Variants in NEK8 observed in about 807,000 individuals in gnomAD.
The protein encoded by NEK8 is NIMA related kinase 8.
NEK8 carries 51 observed loss-of-function variants against 77.2 expected under a neutral mutation model. The observed-to-expected ratio is 0.66, with a 90% CI of 0.53 to 0.83. The LOEUF is 0.83. Ranked by LOEUF, NEK8 falls within the 40% of genes least tolerant of loss-of-function variation. The pLI, the probability that NEK8 is intolerant of heterozygous loss-of-function variation, is 0.00. For missense variants in NEK8, 787 were observed against 909.2 expected (o/e 0.87, Z 1.73); for synonymous variants, 365 against 363.2 (o/e 1.00, Z -0.06).
Position 28,740,461 on chromosome 17 carries a change from A to C in NEK8, c.1418-2A>C. 1 of 1,614,016 alleles carries C rather than the reference A, an allele frequency of 6.2e-7. No individual in the cohort carries two copies. Among genetic ancestry groups the C allele is most frequent in the Non-Finnish European group, 8.5e-7 (1 of 1,179,962 alleles). ...TAACTCCTTCTGGGTTTCTTCTTGT[A>C]GGCAGACTGGGGCTAGGCACCAGGG... On this transcript the variant is annotated splice_acceptor_variant, in intron 10 of 14. Coordinates refer to ENST00000268766, the MANE Select transcript of NEK8 (RefSeq NM_178170.3). LOFTEE classifies it high-confidence loss of function. The surrounding 1 kb of genome is among the most constrained non-coding windows in gnomAD (Gnocchi z 4.7).
intron 4 of NEK8, 68 bp downstream of exon 4, chr17:28,735,439 A>G: frequency 6.4e-7 from 1 of 1,550,830 alleles, no homozygotes. Flanking sequence ...CCTTGGCTCA[A>G]GCCACCTCAG....
At chr17:28,738,774 G>C (rs1389969283) in intron 9 of NEK8, 27 bp downstream of exon 9, 1 of 1,567,106 alleles carries the variant, frequency 6.4e-7, no homozygotes, top group South Asian at 1.1e-5. Flanking sequence ...CCTTGGGAAG[G>C]GGAAGTCGGG....
Position 28,740,936 on chromosome 17 carries a change from G to A in NEK8, c.1683G>A (p.Glu561=), listed in dbSNP as rs769853650. The change falls in exon 12 of 15, where the codon GAG becomes GAA. Residue 561 remains glutamate (E), a synonymous_variant. Coordinates refer to ENST00000268766, the MANE Select transcript of NEK8 (RefSeq NM_178170.3). This position sits in a 1 kb window ranked among gnomAD's most constrained non-coding sequence, Gnocchi z 4.7. The part of the protein sequence containing the change: ...TLLGSAPLDQ[E]PLLSIDLGTA... ...TAGGCTCTGCACCCCTGGACCAGGA[G>A]CCTCTGCTGAGTATAGACCTGGGCA... is the stretch of plus-strand genomic sequence containing the variant. 2 of 1,614,146 alleles carry A rather than the reference G, an allele frequency of 1.2e-6. No homozygotes were observed. Among genetic ancestry groups the A allele is most frequent in the South Asian group, 2.2e-5 (2 of 91,090 alleles).
intron 4 of NEK8, among the ~76,000 whole-genome samples, chr17:28,735,768 GTTTA>G (rs1022332111): frequency 1.3e-5 from 2 of 150,048 alleles, no homozygotes; most frequent in South Asian, 2.2e-4. Context: ...AGCTGTTATT[GTTTA>G]TTTATTTATT....
chr17:28,732,261 C>G (rs1220253502), intron 1 of NEK8, among the ~76,000 whole-genome samples: 1 of 151,744 alleles, frequency 6.6e-6, no homozygotes, highest in East Asian at 1.9e-4. Flanking sequence ...CAAGACCAAC[C>G]TGGCCAACAT....
intron 10 of NEK8, 24 bp downstream of exon 10, chr17:28,739,225 A>C (rs1427498577): frequency 6.8e-7 from 1 of 1,477,940 alleles, no homozygotes; most frequent in Non-Finnish European, 9.5e-7. Flanking sequence ...TTTAGGCCCC[A>C]TCTCACAGCA....
In NEK8 at chr17:28,743,135, A is replaced by G. The variant is rs2034446677; in HGVS notation, c.*1148A>G. 6.7e-6 allele frequency: 1 copy of G among 150,098 alleles called. No individual in the cohort carries two copies. Among genetic ancestry groups the G allele is most frequent in the Admixed American group, 6.7e-5 (1 of 15,026 alleles). The allele number at this position is 150,098 out of a possible 1,614,324, so 9.3% of individuals were successfully genotyped here. A position where few individuals can be genotyped will look rare whatever the true frequency, so the allele number is the denominator to read the frequency against. On this transcript the variant is annotated 3_prime_UTR_variant, in exon 15 of 15. Transcript: ENST00000268766. The stretch of plus-strand genomic sequence containing the variant: ...GTGCTTACCGGGACTCTATCTCCAT[A>G]CTTTGGAGCAGGGCAAGCCAGGGCC...
chr17:28,731,381 T>TA (rs1172785350), intron 1 of NEK8, among the ~76,000 whole-genome samples: 1 of 150,888 alleles, frequency 6.6e-6, no homozygotes, highest in Admixed American at 6.6e-5. Context: ...CTACTAAAAA[T>TA]AAAAAAATTA....
In NEK8 at chr17:28,737,479, C is replaced by T; in HGVS notation, c.792C>T (p.Asn264=). The T allele has an allele frequency of 6.2e-7, 1 of 1,613,100 alleles. No individual in the cohort carries two copies. The highest frequency in any genetic ancestry group is 8.5e-7 in the Non-Finnish European group (1 of 1,180,002). The change falls in exon 5 of 15, where the codon AAC becomes AAT. Residue 264 remains asparagine, a synonymous_variant. Transcript: ENST00000268766. This position sits in a 1 kb window ranked among gnomAD's most constrained non-coding sequence, Gnocchi z 4.8. ...AQPLCIRALL[N]LHTDVGSVRM... is the part of the protein sequence containing the mutation. ...CCCTCTGCATCCGTGCCCTCCTCAA[C>T]CTCCACACCGACGTGGGCAGTGTCC...
In NEK8 at chr17:28,740,522, C is replaced by G; in HGVS notation, c.1477C>G (p.Pro493Ala). The change falls in exon 11 of 15, where the codon CCA (proline) becomes GCA (alanine). Residue 493 changes from proline to alanine, a missense_variant. Physicochemically the swap from Pro to Ala is conservative, Grantham distance 27 (BLOSUM62 -1). Transcript: ENST00000268766. This position sits in a 1 kb window ranked among gnomAD's most constrained non-coding sequence, Gnocchi z 4.7. ...CTGCCCCCAGCAGGTGCCCATGCCC[C>G]CAGGACAGGAAGCTCAGCGAGTTGT... ...HSCPQQVPMP[P>A]GQEAQRVVCG... 1.2e-6 allele frequency: 2 copies of G among 1,614,130 alleles called. No individual in the cohort carries two copies. Among genetic ancestry groups the G allele is most frequent in the Non-Finnish European group, 1.7e-6 (2 of 1,179,988 alleles).
chr17:28,730,112 T>G (rs759350007), intron 1 of NEK8, among the ~76,000 whole-genome samples: 35 of 151,888 alleles, frequency 2.3e-4, no homozygotes, highest in Non-Finnish European at 4.0e-4. Context: ...GGTTTTGTTT[T>G]GTTTTTGTTT....
At chr17:28,738,544 C>T in intron 8 of NEK8, 127 bp from the exon 9 acceptor site, 1 of 843,780 alleles carries the variant, frequency 1.2e-6, no homozygotes, top group Non-Finnish European at 2.0e-6. Context: ...TTTCTCTCTT[C>T]CTATCCCATC....
At chr17:28,735,055 G>A (rs777427030) in intron 3 of NEK8, 51 bp downstream of exon 3, 43 of 1,530,494 alleles carry the variant, frequency 2.8e-5, no homozygotes, top group Non-Finnish European at 3.4e-5. Context: ...TTGAGGGCCA[G>A]GACCTAACCC....
At chr17:28,739,598 G>A (rs1288451481) in intron 10 of NEK8, among the ~76,000 whole-genome samples, 2 of 152,108 alleles carry the variant, frequency 1.3e-5, no homozygotes, top group African/African-American at 2.4e-5. Context: ...ACAGGCACCC[G>A]CCACCGCGCC....
chr17:28,741,328 G>T lies in NEK8; in HGVS notation c.1892-85G>T. On this transcript the variant is annotated intron_variant, in intron 13 of 14. Transcript: ENST00000268766. The surrounding 1 kb of genome is among the most constrained non-coding windows in gnomAD (Gnocchi z 4.5). ...GGCCACTGGACTCTGGAGCCTCCCAGGGGCCATCCTGGCAATGTGGGAGGG... is the reference window on the plus strand; with the variant it reads ...GGCCACTGGACTCTGGAGCCTCCCATGGGCCATCCTGGCAATGTGGGAGGG... The T allele has an allele frequency of 6.3e-7, 1 of 1,599,964 alleles. No individual in the cohort carries two copies.
rs1412236201 is a variant in NEK8 at position 28,737,030 on chromosome 17, C to T, written c.619-276C>T. ...CAGCACCATTTATTAAATAGGGAATCCTTTCCCCATTTCTTGTTTTTCTCA... is the reference window on the plus strand; with the variant it reads ...CAGCACCATTTATTAAATAGGGAATTCTTTCCCCATTTCTTGTTTTTCTCA... On this transcript the variant is annotated intron_variant, in intron 4 of 14. Transcript: ENST00000268766. This position sits in a 1 kb window ranked among gnomAD's most constrained non-coding sequence, Gnocchi z 4.8. Among the ~76,000 whole-genome samples, 1 of 152,182 alleles carries T rather than the reference C, an allele frequency of 6.6e-6. No individual in the cohort carries two copies. The highest frequency in any genetic ancestry group is 2.4e-5 in the African/African-American group (1 of 41,432).
rs1028246021 is a variant in NEK8 at position 28,737,731 on chromosome 17, G to C, written c.884G>C (p.Cys295Ser). 2 of 1,614,148 alleles carry C rather than the reference G, an allele frequency of 1.2e-6. No homozygotes were observed. Among genetic ancestry groups the C allele is most frequent in the Non-Finnish European group, 8.5e-7 (1 of 1,180,020 alleles). ...GGGAGCAGGACCACCAGTGTCCGCTGCAGAGGTAAGTGGGAAGAGGCCGCC... is the reference window on the plus strand; with the variant it reads ...GGGAGCAGGACCACCAGTGTCCGCTCCAGAGGTAAGTGGGAAGAGGCCGCC... ...NTGSRTTSVR[C>S]RGIPRGPVRP... Residue 295 changes from cysteine (C) to serine (S), a missense_variant, in exon 6 of 15, where the codon TGC becomes TCC. Cys to Ser is a moderately radical substitution (Grantham distance 112). This residue lies in a region of NEK8 where 516 missense variants were observed against 544.0 expected (regional missense o/e 0.95). Coordinates refer to ENST00000268766, the MANE Select transcript of NEK8 (RefSeq NM_178170.3). The surrounding 1 kb of genome is among the most constrained non-coding windows in gnomAD (Gnocchi z 4.8).
In NEK8 at chr17:28,740,929, A is replaced by C. The variant is rs2034414437; in HGVS notation, c.1676A>C (p.Asp559Ala). 2 of 1,613,986 alleles carry C rather than the reference A, an allele frequency of 1.2e-6. No homozygotes were observed. Among genetic ancestry groups the C allele is most frequent in the Admixed American group, 3.3e-5 (2 of 60,010 alleles). Residue 559 changes from aspartate (D) to alanine (A), a missense_variant, in exon 12 of 15, where the codon GAC becomes GCC. Transcript: ENST00000268766. The surrounding 1 kb of genome is among the most constrained non-coding windows in gnomAD (Gnocchi z 4.7). ...SFTLLGSAPLDQEPLLSIDLG... is the reference protein window; with the variant it reads ...SFTLLGSAPLAQEPLLSIDLG... ...ACACTACTAGGCTCTGCACCCCTGG[A>C]CCAGGAGCCTCTGCTGAGTATAGAC...
chr17:28,740,557 C>T lies in NEK8; in HGVS notation c.1512C>T (p.Ile504=), dbSNP rs2084351136. Residue 504 remains isoleucine (I), a synonymous_variant, in exon 11 of 15, where the codon ATC becomes ATT. Coordinates refer to ENST00000268766, the MANE Select transcript of NEK8 (RefSeq NM_178170.3). This position sits in a 1 kb window ranked among gnomAD's most constrained non-coding sequence, Gnocchi z 4.7. Reference sequence around the variant, plus strand: ...AAGCTCAGCGAGTTGTATGTGGTATCGATTCCTCCATGATCCTCACTGTGC... The same window carrying T: ...AAGCTCAGCGAGTTGTATGTGGTATTGATTCCTCCATGATCCTCACTGTGC... The part of the protein sequence containing the change: ...GQEAQRVVCG[I]DSSMILTVPG... The T allele has an allele frequency of 4.3e-6, 7 of 1,614,138 alleles. No individual in the cohort carries two copies. The highest frequency in any genetic ancestry group is 2.2e-5 in the South Asian group (2 of 91,084).
Sources: gnomAD v4.1 joint callset for allele counts (sites outside exome capture counted in the v4.1 genomes callset) on GRCh38, gnomAD v4.1.1 for gene constraint, gnomAD v4.1.1 regional missense constraint, Gnocchi (gnomAD v3.1) non-coding constraint, MANE v1.5 for transcripts, NCBI Gene and HGNC (gene_info 2026-07-23, HGNC 2026-07-21) for gene names.